Variants in ZNF407 observed in about 807,000 individuals in gnomAD.
The protein encoded by ZNF407 is zinc finger protein 407.
A neutral mutation model predicts 131.2 loss-of-function variants in ZNF407; 17 were observed. The ratio of observed to expected loss-of-function variants is 0.13; its 90% CI spans 0.09 to 0.19. The LOEUF (loss-of-function observed/expected upper bound fraction) is 0.19, where lower values mean the gene tolerates loss of function less well. Ranked by LOEUF, ZNF407 falls within the 10% of genes least tolerant of loss-of-function variation. The pLI is 1.00. For synonymous variants in ZNF407, 1,156 were observed against 1,062.0 expected (o/e 1.09, Z -1.72); for missense variants, 2,681 against 2,830.6 (o/e 0.95, Z 1.20).
At position 75,048,983 on chromosome 18, in the gene ZNF407, T is replaced by A. The variant is rs906752965; in HGVS notation, c.5429-14167T>A. Among the ~76,000 whole-genome samples, 8 of 151,212 alleles carry A rather than the reference T, an allele frequency of 5.3e-5. No homozygotes were observed. Among genetic ancestry groups the A allele is most frequent in the Non-Finnish European group, 1.2e-4 (8 of 67,936 alleles). On this transcript the variant is annotated intron_variant, in intron 8 of 8. Transcript: ENST00000299687. This position sits in a 1 kb window ranked among gnomAD's most constrained non-coding sequence, Gnocchi z 4.1. ...TGGAGTCACCCTTGGCTGGCCTGGATGCAGTGGGGGCAGTGCTGCCAGCCA... is the reference window on the plus strand; with the variant it reads ...TGGAGTCACCCTTGGCTGGCCTGGAAGCAGTGGGGGCAGTGCTGCCAGCCA...
At chr18:74,984,483 G>A (rs887103829) in intron 8 of ZNF407, among the ~76,000 whole-genome samples, 2 of 152,170 alleles carry the variant, frequency 1.3e-5, no homozygotes, top group African/African-American at 4.8e-5. Flanking sequence ...CAAATTGTAT[G>A]TAGTTTATGT....
At chr18:74,623,033 C>CAT (rs34202196) in intron 1 of ZNF407, among the ~76,000 whole-genome samples, 125,507 of 150,824 alleles carry the variant, frequency 0.83, 52,406 homozygotes, top group Middle Eastern at 0.9. Context: ...TGTGTGAGTG[C>CAT]ATGTGTGTGT....
intron 1 of ZNF407, among the ~76,000 whole-genome samples, chr18:74,622,049 T>C (rs573622526): frequency 2.0e-5 from 3 of 152,194 alleles, no homozygotes; most frequent in African/African-American, 4.8e-5. Flanking sequence ...AACTTGCAGT[T>C]GTAAACCTTT....
rs375335878 is a variant in ZNF407 at position 75,063,766 on chromosome 18, C to G, written c.6045C>G (p.Gly2015=). ...GGCTCGAGGAGCAAGGCAGGCCCGG[C>G]GCCAAAGACGTGCTGATCCAGCTGC... is the stretch of plus-strand genomic sequence containing the variant. ...RAGLEEQGRP[G]AKDVLIQLPG... Residue 2015 remains glycine, a synonymous_variant, in exon 9 of 9, where the codon GGC becomes GGG. Coordinates refer to ENST00000299687, the MANE Select transcript of ZNF407 (RefSeq NM_017757.3). The surrounding 1 kb of genome is among the most constrained non-coding windows in gnomAD (Gnocchi z 6.6). 1.9e-6 allele frequency: 3 copies of G among 1,610,732 alleles called. No individual in the cohort carries two copies. Among genetic ancestry groups the G allele is most frequent in the Non-Finnish European group, 2.5e-6 (3 of 1,179,758 alleles).
intron 8 of ZNF407, among the ~76,000 whole-genome samples, chr18:75,029,919 G>C (rs569922364): frequency 5.3e-5 from 8 of 152,160 alleles, no homozygotes; most frequent in Non-Finnish European, 1.2e-4. Context: ...CTTCAGAAAC[G>C]TTATGAAGAA....
At chr18:74,771,505 T>C (rs1337732384) in intron 3 of ZNF407, among the ~76,000 whole-genome samples, 1 of 151,284 alleles carries the variant, frequency 6.6e-6, no homozygotes, top group Non-Finnish European at 1.5e-5. Context: ...TGTTAGATAA[T>C]GTATTTCATC....
At chr18:74,699,587 A>G (rs963918648) in intron 3 of ZNF407, among the ~76,000 whole-genome samples, 3 of 152,152 alleles carry the variant, frequency 2.0e-5, no homozygotes, top group Non-Finnish European at 4.4e-5. Flanking sequence ...AGGGAGGTAC[A>G]CAAGGATGAG....
At chr18:74,647,153 A>G (rs1427581528) in intron 3 of ZNF407, among the ~76,000 whole-genome samples, 4 of 151,740 alleles carry the variant, frequency 2.6e-5, no homozygotes, top group South Asian at 2.1e-4. Flanking sequence ...TTAAAATGCA[A>G]TTGTGATGGC....
chr18:74,829,764 G>A (rs1970456650), intron 4 of ZNF407, among the ~76,000 whole-genome samples: 1 of 151,036 alleles, frequency 6.6e-6, no homozygotes, highest in Non-Finnish European at 1.5e-5. Context: ...TGAGGTTTCT[G>A]GATCACATTT....
At chr18:74,943,831 T>C (rs1201685570) in intron 8 of ZNF407, among the ~76,000 whole-genome samples, 1 of 152,120 alleles carries the variant, frequency 6.6e-6, no homozygotes, top group Non-Finnish European at 1.5e-5. Context: ...GGATTAGTGT[T>C]GAAGAGTCAC....
intron 8 of ZNF407, among the ~76,000 whole-genome samples, chr18:74,978,263 T>A (rs1367100534): frequency 6.6e-6 from 1 of 152,186 alleles, no homozygotes; most frequent in African/African-American, 2.4e-5. Flanking sequence ...CATGTAGCTC[T>A]AGAGCTCAGA....
intron 3 of ZNF407, among the ~76,000 whole-genome samples, chr18:74,757,884 GT>G (rs1969000899): frequency 6.6e-6 from 1 of 151,896 alleles, no homozygotes; most frequent in African/African-American, 2.4e-5. Context: ...GTTCTCCCCC[GT>G]TTTTTGGCTT....
intron 3 of ZNF407, among the ~76,000 whole-genome samples, chr18:74,695,050 A>G (rs1967318543): frequency 6.6e-6 from 1 of 152,022 alleles, no homozygotes; most frequent in Admixed American, 6.6e-5. Context: ...TACTTCAGCA[A>G]CTCTGATTTC....
chr18:74,738,024 A>C (rs1968457329), intron 3 of ZNF407, among the ~76,000 whole-genome samples: 1 of 152,292 alleles, frequency 6.6e-6, no homozygotes, highest in East Asian at 1.9e-4. Context: ...GTTAGAGTAC[A>C]ATATAAAAAG....
Position 74,635,777 on chromosome 18 carries a change from C to T in ZNF407, c.4687+71C>T. 6.6e-7 allele frequency: 1 copy of T among 1,509,924 alleles called. No individual in the cohort carries two copies. The highest frequency in any genetic ancestry group is 8.8e-7 in the Non-Finnish European group (1 of 1,130,692). 93.5% of individuals were successfully genotyped at this position (1,509,924 alleles called of 1,614,324 possible). A position where few individuals can be genotyped will look rare whatever the true frequency, so the allele number is the denominator to read the frequency against. ...TTTGTTCCCATCCAGATATGCAGCC[C>T]TACCTGTGGCTGCTCATTGGCTTTC... On this transcript the variant is annotated intron_variant, in intron 2 of 8. Coordinates refer to ENST00000299687, the MANE Select transcript of ZNF407 (RefSeq NM_017757.3). The surrounding 1 kb of genome is among the most constrained non-coding windows in gnomAD (Gnocchi z 4.7).
rs139800364 is a variant in ZNF407, at chr18:74,632,946, T to C, written c.1927T>C (p.Leu643=). Residue 643 remains leucine, a synonymous_variant, in exon 2 of 9, where the codon TTG becomes CTG. Transcript: ENST00000299687. The part of the protein sequence containing the change: ...HKATEKHINS[L]VQPKTLQSSN... ...AGCCACCGAGAAGCATATTAATTCATTGGTTCAACCAAAGACTTTGCAATC... is the reference window on the plus strand; with the variant it reads ...AGCCACCGAGAAGCATATTAATTCACTGGTTCAACCAAAGACTTTGCAATC... The C allele has an allele frequency of 2.2e-4, 362 of 1,613,290 alleles. 1 individual carries two copies. The African/African-American group carries it at 4.4e-3, about 20-fold the overall frequency.
intron 3 of ZNF407, among the ~76,000 whole-genome samples, chr18:74,776,164 AG>A (rs1969467329): frequency 6.6e-6 from 1 of 152,194 alleles, no homozygotes; most frequent in Middle Eastern, 3.2e-3. Flanking sequence ...TGTCCTTATA[AG>A]AAAGGCTTAA....
chr18:74,695,622 C>T (rs1387217582), intron 3 of ZNF407, among the ~76,000 whole-genome samples: 1 of 151,666 alleles, frequency 6.6e-6, no homozygotes, highest in African/African-American at 2.4e-5. Context: ...CTAACAACCA[C>T]CTATGTGGTA....
intron 1 of ZNF407, among the ~76,000 whole-genome samples, chr18:74,623,170 G>C (rs556204279): frequency 6.6e-6 from 1 of 151,738 alleles, no homozygotes; most frequent in Non-Finnish European, 1.5e-5. Context: ...GTGTGTGTAC[G>C]TGTGAATGTG....
Sources: allele counts gnomAD v4.1 joint callset (sites outside exome capture counted in the v4.1 genomes callset), GRCh38; gene constraint gnomAD v4.1.1; non-coding constraint Gnocchi (gnomAD v3.1); transcripts MANE v1.5; gene names NCBI Gene and HGNC (gene_info 2026-07-23, HGNC 2026-07-21).